The following MCMDC2 variants were observed in gnomAD, a reference collection of about 807,000 sequenced individuals.
MCMDC2 encodes the protein minichromosome maintenance domain-containing protein 2.
Under a neutral mutation model 75.8 loss-of-function variants are expected in MCMDC2, and 54 were observed. The observed-to-expected ratio is 0.71, with a 90% CI of 0.57 to 0.89. The LOEUF (loss-of-function observed/expected upper bound fraction) is 0.89. Ranked by LOEUF, MCMDC2 falls within the 40% of genes least tolerant of loss-of-function variation. MCMDC2 has a pLI of 0.00. For synonymous variants in MCMDC2, 249 were observed against 274.6 expected (o/e 0.91, Z 0.92); for missense variants, 656 against 780.4 (o/e 0.84, Z 1.90).
intron 14 of MCMDC2, among the ~76,000 whole-genome samples, chr8:66,906,291 T>G (rs1222219955): frequency 6.6e-6 from 1 of 152,224 alleles, no homozygotes; most frequent in African/African-American, 2.4e-5. Context: ...AAAGAATGTA[T>G]TAACACTAGC....
At position 66,913,660 on chromosome 8, in the gene MCMDC2, T is replaced by C. The variant is rs532849295; in HGVS notation, c.1880-5343T>C. ...TAGAACTTACAGCCTAGTGAGAGAA[T>C]AGACATTAAAAAGTGAACACATGGG... is the stretch of plus-strand genomic sequence containing the variant. On this transcript the variant is annotated intron_variant, in intron 14 of 14. Transcript: ENST00000422365. Among the ~76,000 whole-genome samples the C allele has an allele frequency of 2.6e-5, 4 of 152,180 alleles. No homozygotes were observed. The South Asian group carries it at 6.2e-4, about 24-fold the overall frequency.
intron 4 of MCMDC2, among the ~76,000 whole-genome samples, chr8:66,874,953 ACCATGCTGG>A (rs1811207727): frequency 6.6e-6 from 1 of 151,952 alleles, no homozygotes; most frequent in African/African-American, 2.4e-5. Flanking sequence ...ACAGGGTTTC[ACCATGCTGG>A]CCAGGCTGAT....
In MCMDC2 at chr8:66,920,709, CA is replaced by C. The variant is rs1270907085; in HGVS notation, c.*1541del. The stretch of plus-strand genomic sequence containing the variant: ...GTTTAAAAACTTTTTTTTTTGGAGA[CA>C]GGGGCTGTCACCGTTTGGAGGGTTG... On this transcript the variant is annotated 3_prime_UTR_variant, in exon 15 of 15. Transcript: ENST00000422365. The C allele has an allele frequency of 6.6e-6, 1 of 151,740 alleles. No homozygotes were observed. Among genetic ancestry groups the C allele is most frequent in the Non-Finnish European group, 1.5e-5 (1 of 67,946 alleles). The allele number at this position is 151,740 out of a possible 1,614,324, so 9.4% of individuals were successfully genotyped here.
chr8:66,875,384 AT>A (rs1450501187), intron 4 of MCMDC2, among the ~76,000 whole-genome samples: 30 of 152,024 alleles, frequency 2.0e-4, no homozygotes. Flanking sequence ...GATTCAAGCA[AT>A]TCTCCTGCCT....
At chr8:66,885,324 C>T (rs1468304750) in intron 9 of MCMDC2, among the ~76,000 whole-genome samples, 1 of 147,416 alleles carries the variant, frequency 6.8e-6, no homozygotes, top group East Asian at 2.0e-4. Context: ...CAGAGCGAGA[C>T]TCTGTCTCAA....
In MCMDC2 at chr8:66,877,614, C is replaced by T. The variant is rs1585851562; in HGVS notation, c.481+70C>T. ...GCATGGTGGCTCACACCTGTAATCC[C>T]TGCACTTTGGGAAGCTGAGGAGGGA... On this transcript the variant is annotated intron_variant, in intron 5 of 14. Transcript: ENST00000422365. The T allele has an allele frequency of 3.4e-6, 4 of 1,180,540 alleles. No homozygotes were observed. In the East Asian group the frequency reaches 1.1e-4, roughly 31 times the overall value. 73.1% of individuals were successfully genotyped at this position (1,180,540 alleles called of 1,614,324 possible).
chr8:66,905,621 A>G (rs1480981651), intron 14 of MCMDC2, among the ~76,000 whole-genome samples: 12 of 152,118 alleles, frequency 7.9e-5, no homozygotes, highest in Admixed American at 2.6e-4. Context: ...AACACATAAA[A>G]TGATTTTAAT....
chr8:66,881,055 A>G (rs949532650), intron 8 of MCMDC2, 81 bp downstream of exon 8: 107 of 1,162,478 alleles, frequency 9.2e-5, no homozygotes, highest in South Asian at 1.5e-4. Flanking sequence ...TTGTTTGCCT[A>G]TGTGCTAGGC....
At chr8:66,910,197 A>G (rs554059974) in intron 14 of MCMDC2, among the ~76,000 whole-genome samples, 23 of 152,114 alleles carry the variant, frequency 1.5e-4, no homozygotes, top group Non-Finnish European at 3.1e-4. Context: ...CTCATGGAGA[A>G]CCTCTGCTAG....
chr8:66,915,188 A>G (rs985653269), intron 14 of MCMDC2, among the ~76,000 whole-genome samples: 1 of 151,996 alleles, frequency 6.6e-6, no homozygotes, highest in African/African-American at 2.4e-5. Flanking sequence ...AATGGCCAGG[A>G]GCGGTGGCTC....
At chr8:66,876,944 T>G (rs1210407488) in intron 4 of MCMDC2, among the ~76,000 whole-genome samples, 1 of 151,980 alleles carries the variant, frequency 6.6e-6, no homozygotes, top group East Asian at 1.9e-4. Flanking sequence ...GTATTTTTAG[T>G]AGAGAAGGGG....
At chr8:66,901,924 C>G (rs889433699) in intron 13 of MCMDC2, 1 of 152,252 alleles carries the variant, frequency 6.6e-6, no homozygotes, top group African/African-American at 2.4e-5. Context: ...CAGTGAGACT[C>G]CGTCTCAAAA....
At chr8:66,922,054 T>C (rs1007169676), downstream of MCMDC2, 1 of 152,916 alleles carries the variant, frequency 6.5e-6, no homozygotes, top group Non-Finnish European at 1.5e-5. Flanking sequence ...CATCATTTGC[T>C]TCTGTTCATG....
intron 9 of MCMDC2, among the ~76,000 whole-genome samples, chr8:66,885,867 A>G (rs1194912849): frequency 6.6e-6 from 1 of 152,196 alleles, no homozygotes; most frequent in Non-Finnish European, 1.5e-5. Context: ...CATACAGTGC[A>G]TCCTCTTTTG....
chr8:66,875,336 A>G (rs569536653), intron 4 of MCMDC2, among the ~76,000 whole-genome samples: 10 of 152,048 alleles, frequency 6.6e-5, no homozygotes, highest in Non-Finnish European at 1.2e-4. Context: ...CTGGAGTGCA[A>G]TGGCGTGATC....
At chr8:66,873,974 G>C (rs1811148205) in intron 1 of MCMDC2, 79 bp from the exon 2 acceptor site, 2 of 492,316 alleles carry the variant, frequency 4.1e-6, no homozygotes, top group Non-Finnish European at 3.4e-6. Context: ...ATTTTGCCTA[G>C]TTTTAGTTCA....
chr8:66,898,086 G>A (rs996357049), intron 12 of MCMDC2, among the ~76,000 whole-genome samples: 1 of 151,924 alleles, frequency 6.6e-6, no homozygotes, highest in Admixed American at 6.6e-5. Flanking sequence ...AATATAATAA[G>A]GTTTTGGTTT....
chr8:66,892,512 G>A (rs1367727916), intron 10 of MCMDC2, among the ~76,000 whole-genome samples: 3 of 152,252 alleles, frequency 2.0e-5, no homozygotes, highest in Non-Finnish European at 4.4e-5. Context: ...GTGGACAGGA[G>A]ACCTGAAGTG....
In MCMDC2 at chr8:66,915,367, G is replaced by A. The variant is rs183928812; in HGVS notation, c.1880-3636G>A. 4.5e-3 allele frequency among the ~76,000 whole-genome samples: 688 copies of A among 151,330 alleles called. 9 individuals are homozygous for A. The highest frequency in any genetic ancestry group is 0.016 in the African/African-American group (653 of 41,296). On this transcript the variant is annotated intron_variant, in intron 14 of 14. Coordinates refer to ENST00000422365, the MANE Select transcript of MCMDC2 (RefSeq NM_173518.5). ...CTCGGGAGCCTGAGGCAGGAGAATC[G>A]CTTGAATCTGGGAGGCAGAGGTTGC... is the stretch of plus-strand genomic sequence containing the variant.
Sources: gnomAD v4.1 joint callset for allele counts (sites outside exome capture counted in the v4.1 genomes callset) on GRCh38, gnomAD v4.1.1 for gene constraint, MANE v1.5 for transcripts, NCBI Gene and HGNC (gene_info 2026-07-23, HGNC 2026-07-21) for gene names.